Variants in CALN1 observed in about 807,000 individuals in gnomAD.
CALN1 encodes the protein calneuron 1, also known as calcium-binding protein 8.
In CALN1, 17 loss-of-function variants were observed where a neutral mutation model predicts 30.6. The ratio of observed to expected loss-of-function variants is 0.56; its 90% confidence interval spans 0.38 to 0.83. The LOEUF (loss-of-function observed/expected upper bound fraction) is 0.83, where lower values mean the gene tolerates loss of function less well. Among genes scored for constraint, CALN1 ranks in the 40% least tolerant of loss-of-function variants. The probability of loss-of-function intolerance (pLI) is 0.00; values close to 1 mark genes in which losing one functional copy is unlikely to be tolerated. For synonymous variants in CALN1, 156 were observed against 131.4 expected (o/e 1.19, Z -1.28); for missense variants, 291 against 354.9 (o/e 0.82, Z 1.45).
intron 4 of CALN1, among the ~76,000 whole-genome samples, chr7:72,088,231 C>T (rs1805612209): frequency 6.6e-6 from 1 of 152,074 alleles, no homozygotes; most frequent in Admixed American, 6.6e-5. Flanking sequence ...CCAGGCACCA[C>T]CACTACTAGA....
chr7:72,325,131 C>T (rs747730021), intron 2 of CALN1, among the ~76,000 whole-genome samples: 6 of 151,958 alleles, frequency 3.9e-5, no homozygotes, highest in Non-Finnish European at 7.4e-5. Context: ...GAAACCCCGT[C>T]TCTACAAAAA....
chr7:72,050,375 A>G (rs893188336), intron 4 of CALN1, among the ~76,000 whole-genome samples: 3 of 152,242 alleles, frequency 2.0e-5, no homozygotes, highest in Non-Finnish European at 2.9e-5. Context: ...GCTGTAGGAA[A>G]AAAAGGCTGT....
intron 5 of CALN1, among the ~76,000 whole-genome samples, chr7:71,957,366 A>C (rs1797011624): frequency 6.6e-6 from 1 of 152,178 alleles, no homozygotes; most frequent in Non-Finnish European, 1.5e-5. Flanking sequence ...CTGATACAAA[A>C]GCCTAAAAAG....
At chr7:72,432,432 C>T (rs562765702) in intron 1 of CALN1, among the ~76,000 whole-genome samples, 14 of 152,218 alleles carry the variant, frequency 9.2e-5, no homozygotes, top group Admixed American at 2.0e-4. Context: ...TCTCTGCCTC[C>T]GGGAACAGAA....
At chr7:72,472,051 C>T in the CALN1 span, among the ~76,000 whole-genome samples, 3 of 152,106 alleles carry the variant, frequency 2.0e-5, no homozygotes, top group East Asian at 3.9e-4. Flanking sequence ...GCACCTCGAC[C>T]TCCCAAAGTG....
intron 2 of CALN1, among the ~76,000 whole-genome samples, chr7:72,339,498 G>C (rs1585537045): frequency 6.6e-6 from 1 of 152,236 alleles, no homozygotes; most frequent in African/African-American, 2.4e-5. Context: ...CTAGCCCTGA[G>C]AAGTAAACCA....
At chr7:72,080,179 C>A (rs1338393754) in intron 4 of CALN1, among the ~76,000 whole-genome samples, 1 of 152,204 alleles carries the variant, frequency 6.6e-6, no homozygotes, top group Non-Finnish European at 1.5e-5. Context: ...CCCAACTACA[C>A]CTGTGCAGAA....
Position 72,314,173 on chromosome 7 carries a change from C to T in CALN1, c.120-35363G>A, listed in dbSNP as rs28661478. On this transcript the variant is annotated intron_variant, in intron 2 of 6. Transcript: ENST00000395275. ...CCAGTCTATGCACAGAATCAAGGGG[C>T]CCTCTGCCACCATCCCCCTCCCTGA... Among the ~76,000 whole-genome samples, 406 of 152,210 alleles carry T rather than the reference C, an allele frequency of 2.7e-3. 2 individuals carry two copies. Among genetic ancestry groups the T allele is most frequent in the African/African-American group, 9.3e-3 (387 of 41,544 alleles).
At chr7:71,800,931 G>A (rs78978414) in intron 6 of CALN1, among the ~76,000 whole-genome samples, 2,176 of 152,178 alleles carry the variant, frequency 0.014, 46 homozygotes, top group African/African-American at 0.049. Context: ...ATTCAGCCCC[G>A]CATGCATTAG....
At chr7:72,209,192 C>T (rs1205484178) in intron 3 of CALN1, among the ~76,000 whole-genome samples, 3 of 129,050 alleles carry the variant, frequency 2.3e-5, no homozygotes, top group African/African-American at 9.7e-5. Flanking sequence ...TTCCCTCTTT[C>T]CTTCCCTCCT....
intron 5 of CALN1, among the ~76,000 whole-genome samples, chr7:71,949,129 G>T (rs947512166): frequency 1.4e-5 from 2 of 148,008 alleles, no homozygotes; most frequent in African/African-American, 5.0e-5. Context: ...TGGACTGAAA[G>T]AATGGCCATA....
intron 2 of CALN1, among the ~76,000 whole-genome samples, chr7:72,379,810 A>G (rs532641620): frequency 6.6e-6 from 1 of 152,280 alleles, no homozygotes; most frequent in Non-Finnish European, 1.5e-5. Flanking sequence ...ATCTCTTAAT[A>G]TGACTCTGAT....
chr7:72,251,409 T>C (rs2071439099), intron 3 of CALN1, among the ~76,000 whole-genome samples: 1 of 152,106 alleles, frequency 6.6e-6, no homozygotes, highest in Non-Finnish European at 1.5e-5. Flanking sequence ...TTTTTTTCCT[T>C]TTTTCTTGAA....
chr7:72,431,542 C>T (rs971292019), intron 1 of CALN1, among the ~76,000 whole-genome samples: 2 of 152,134 alleles, frequency 1.3e-5, no homozygotes, highest in Non-Finnish European at 2.9e-5. Flanking sequence ...GTAATCTAAG[C>T]GCTAAGTCAG....
chr7:71,871,698 T>A (rs950495116), intron 5 of CALN1, among the ~76,000 whole-genome samples: 2 of 152,128 alleles, frequency 1.3e-5, no homozygotes, highest in Non-Finnish European at 2.9e-5. Flanking sequence ...CCTGGAATAC[T>A]CTTCCATCAT....
At chr7:72,193,743 A>G (rs181812294) in intron 3 of CALN1, among the ~76,000 whole-genome samples, 15 of 152,276 alleles carry the variant, frequency 9.9e-5, no homozygotes, top group Admixed American at 8.5e-4. Context: ...CTATCAGTCA[A>G]TGAGTGGATA....
chr7:72,291,331 G>A (rs992873314), intron 2 of CALN1, among the ~76,000 whole-genome samples: 2 of 152,128 alleles, frequency 1.3e-5, no homozygotes. Flanking sequence ...CTTTCCCAGT[G>A]ACAAACTGTT....
At chr7:72,464,798 A>G in the CALN1 span, among the ~76,000 whole-genome samples, 6 of 152,220 alleles carry the variant, frequency 3.9e-5, no homozygotes, top group Admixed American at 1.3e-4. Flanking sequence ...CTTCCTTTTT[A>G]GTCCTGGGGA....
intron 2 of CALN1, among the ~76,000 whole-genome samples, chr7:72,304,678 G>A (rs138130931): frequency 3.9e-5 from 6 of 151,910 alleles, no homozygotes; most frequent in African/African-American, 1.2e-4. Flanking sequence ...ACTTTCATTA[G>A]GTCAGGCCAT....
Sources: gnomAD v4.1 joint callset for allele counts (sites outside exome capture counted in the v4.1 genomes callset) on GRCh38, gnomAD v4.1.1 for gene constraint, MANE v1.5 for transcripts, NCBI Gene and HGNC (gene_info 2026-07-23, HGNC 2026-07-21) for gene names.